CDK19: variants seen among roughly 807,000 people sequenced by gnomAD.
The protein encoded by CDK19 is cyclin-dependent kinase 19.
A neutral mutation model predicts 68.3 loss-of-function variants in CDK19; 20 were observed. That is an observed-to-expected ratio of 0.29 (90% CI 0.21 to 0.43). The LOEUF is 0.43. Among genes scored for constraint, CDK19 ranks in the 20% least tolerant of loss-of-function variants. The pLI, the probability that CDK19 is intolerant of heterozygous loss-of-function variation, is 1.00. For synonymous variants in CDK19, 221 were observed against 222.8 expected (o/e 0.99, Z 0.07); for missense variants, 339 against 623.5 (o/e 0.54, Z 4.86).
At chr6:110,630,957 G>A (rs1779401773) in intron 6 of CDK19, among the ~76,000 whole-genome samples, 1 of 152,120 alleles carries the variant, frequency 6.6e-6, no homozygotes, top group South Asian at 2.1e-4. Context: ...TAATTTTTGT[G>A]TTCTTTTTTA....
intron 4 of CDK19, among the ~76,000 whole-genome samples, chr6:110,646,738 G>A (rs1780615738): frequency 6.6e-6 from 1 of 152,070 alleles, no homozygotes; most frequent in Non-Finnish European, 1.5e-5. Context: ...CACCTCGGCT[G>A]CCTCCCCTGT....
chr6:110,711,106 C>A (rs1049229021), intron 2 of CDK19, among the ~76,000 whole-genome samples: 2 of 151,876 alleles, frequency 1.3e-5, no homozygotes, highest in African/African-American at 4.8e-5. Context: ...TTCAAGTACA[C>A]GAAAAAGCCA....
At chr6:110,657,570 C>A (rs1781380426) in intron 4 of CDK19, among the ~76,000 whole-genome samples, 2 of 152,156 alleles carry the variant, frequency 1.3e-5, no homozygotes. Flanking sequence ...TAAATTGATT[C>A]TTCAGTAATA....
intron 1 of CDK19, among the ~76,000 whole-genome samples, chr6:110,798,609 G>C (rs954683453): frequency 8.2e-6 from 1 of 121,928 alleles, no homozygotes; most frequent in Non-Finnish European, 1.6e-5. Flanking sequence ...TGGGCAACAA[G>C]AGTGAGACTC....
At chr6:110,685,115 G>A (rs750507850) in intron 2 of CDK19, among the ~76,000 whole-genome samples, 2 of 152,046 alleles carry the variant, frequency 1.3e-5, no homozygotes, top group Non-Finnish European at 2.9e-5. Flanking sequence ...TCCAGCCTGG[G>A]CGACACAGCG....
intron 12 of CDK19, among the ~76,000 whole-genome samples, chr6:110,616,051 G>A (rs987461920): frequency 2.0e-5 from 3 of 151,972 alleles, no homozygotes; most frequent in Non-Finnish European, 4.4e-5. Flanking sequence ...GCCCACCAAA[G>A]TATCTTTGAA....
intron 1 of CDK19, among the ~76,000 whole-genome samples, chr6:110,756,391 A>G (rs920326945): frequency 6.7e-6 from 1 of 148,716 alleles, no homozygotes; most frequent in African/African-American, 2.4e-5. Flanking sequence ...CTCTGTCTCA[A>G]AAAAAAAAAA....
intron 1 of CDK19, among the ~76,000 whole-genome samples, chr6:110,759,428 A>ATATATATATATATATATATATATAT (rs1554219514): frequency 5.9e-4 from 30 of 50,872 alleles, no homozygotes; most frequent in African/African-American, 1.7e-3. Context: ...AAAAAAAAAA[A>ATATATATATATATATATATATATAT]ATATATATAT....
chr6:110,806,734 T>C (rs1270458259), intron 1 of CDK19, among the ~76,000 whole-genome samples: 1 of 152,174 alleles, frequency 6.6e-6, no homozygotes, highest in African/African-American at 2.4e-5. Context: ...TCCCAGCACT[T>C]TGGGAGGCTG....
chr6:110,701,389 A>G (rs1365613057), intron 2 of CDK19, among the ~76,000 whole-genome samples: 1 of 148,616 alleles, frequency 6.7e-6, no homozygotes, highest in African/African-American at 2.5e-5. Context: ...AAAAATACAA[A>G]AAAAAAAAAA....
intron 2 of CDK19, among the ~76,000 whole-genome samples, chr6:110,738,252 G>C (rs954907497): frequency 3.3e-5 from 5 of 152,074 alleles, no homozygotes; most frequent in South Asian, 2.1e-4. Flanking sequence ...GCTCATGTCT[G>C]TAATCACAGC....
At chr6:110,641,592 CAAAAAA>C (rs773781094) in intron 4 of CDK19, among the ~76,000 whole-genome samples, 1 of 31,322 alleles carries the variant, frequency 3.2e-5, no homozygotes, top group African/African-American at 9.5e-5. Context: ...GAGACTCCAT[CAAAAAA>C]AAAAAAAAAA....
intron 2 of CDK19, among the ~76,000 whole-genome samples, chr6:110,715,055 C>T (rs570388757): frequency 7.4e-4 from 113 of 152,134 alleles, no homozygotes; most frequent in African/African-American, 2.6e-3. Flanking sequence ...TTTCAAGTCC[C>T]TTGCCCGGTT....
At chr6:110,617,075 T>C (rs1778359975) in intron 12 of CDK19, among the ~76,000 whole-genome samples, 1 of 152,184 alleles carries the variant, frequency 6.6e-6, no homozygotes, top group Non-Finnish European at 1.5e-5. Context: ...CAAAAGTTTT[T>C]CTCTGACCTT....
At position 110,613,740 on chromosome 6, in the gene CDK19, CTTT is replaced by C. The variant is rs1300231647; in HGVS notation, c.*792_*794del. 1 of 152,512 alleles carries C rather than the reference CTTT, an allele frequency of 6.6e-6. No homozygotes were observed. Among genetic ancestry groups the C allele is most frequent in the Non-Finnish European group, 1.5e-5 (1 of 67,994 alleles). 9.4% of individuals were successfully genotyped at this position (152,512 alleles called of 1,614,324 possible). ...GAGACTGTACAAAGCTCTTGAAACC[CTTT>C]TTAAGGTAGACTTAGCTACATGAAG... On this transcript the variant is annotated 3_prime_UTR_variant, in exon 13 of 13. Coordinates refer to ENST00000368911, the MANE Select transcript of CDK19 (RefSeq NM_015076.5).
At chr6:110,764,270 G>C (rs761563514) in intron 1 of CDK19, among the ~76,000 whole-genome samples, 5 of 152,034 alleles carry the variant, frequency 3.3e-5, no homozygotes, top group Non-Finnish European at 7.4e-5. Context: ...AAGCTCATGG[G>C]GAAAGACAAA....
intron 4 of CDK19, among the ~76,000 whole-genome samples, chr6:110,640,614 G>C (rs1468973934): frequency 6.6e-6 from 1 of 152,134 alleles, no homozygotes; most frequent in African/African-American, 2.4e-5. Flanking sequence ...AGAGGTAATG[G>C]TTTAAAAATA....
At position 110,806,192 on chromosome 6, in the gene CDK19, T is replaced by C. The variant is rs112574370; in HGVS notation, c.128+8817A>G. On this transcript the variant is annotated intron_variant, in intron 1 of 12. Transcript: ENST00000368911. ...CCGTTTCTACTAAAAAATACAAAAT[T>C]AGCTAGGCATGGTGGCGCATTCCTG... Among the ~76,000 whole-genome samples, 1,347 of 151,578 alleles carry C rather than the reference T, an allele frequency of 8.9e-3. 20 individuals are homozygous for C. The highest frequency in any genetic ancestry group is 0.031 in the African/African-American group (1,287 of 41,316).
At chr6:110,648,731 G>C (rs980788124) in intron 4 of CDK19, among the ~76,000 whole-genome samples, 1 of 149,518 alleles carries the variant, frequency 6.7e-6, no homozygotes, top group African/African-American at 2.5e-5. Context: ...GTTTTGTTTT[G>C]TTTTGAGATG....
Sources: allele counts gnomAD v4.1 joint callset (sites outside exome capture counted in the v4.1 genomes callset), GRCh38; gene constraint gnomAD v4.1.1; transcripts MANE v1.5; gene names NCBI Gene and HGNC (gene_info 2026-07-23, HGNC 2026-07-21).